Variants in SCGB2B2 observed in about 807,000 individuals in gnomAD.
SCGB2B2 encodes secretoglobin-like protein.
A neutral mutation model predicts 7.6 loss-of-function variants in SCGB2B2; 11 were observed. That is an observed-to-expected ratio of 1.45 (90% CI 0.91 to 2.40). SCGB2B2 has a LOEUF of 2.40. SCGB2B2 is among the 30% of genes most tolerant of loss of function. The pLI, the probability that SCGB2B2 is intolerant of heterozygous loss-of-function variation, is 0.00. For missense variants in SCGB2B2, 104 were observed against 115.4 expected (o/e 0.90, Z 0.45); for synonymous variants, 50 against 48.6 (o/e 1.03, Z -0.12).
chr19:34,633,612 C>G lies in SCGB2B2; in HGVS notation c.-2031-37018G>C, dbSNP rs1323086210. The stretch of plus-strand genomic sequence containing the variant: ...AATCAATGTTTGTGGCAATGGGGTG[C>G]CAGGGAGGGAGGGAAAGAGGGATTT... On this transcript the variant is annotated intron_variant, in intron 1 of 3. Transcript: ENST00000601241. Among the ~76,000 whole-genome samples, 4 of 151,924 alleles carry G rather than the reference C, an allele frequency of 2.6e-5. No individual in the cohort carries two copies. The East Asian group carries it at 5.8e-4, about 22-fold the overall frequency.
rs1007246065 is a variant in SCGB2B2 at position 34,592,014 on chromosome 19, C to T, written c.*1541G>A. On this transcript the variant is annotated 3_prime_UTR_variant, in exon 4 of 4. Transcript: ENST00000601241. ...AGGGCCTGATGTGTGGCAGGGGACA[C>T]TTCTTCCCTGGCTGAGTGGATGGGT... Among the ~76,000 whole-genome samples, 1 of 152,140 alleles carries T rather than the reference C, an allele frequency of 6.6e-6. No homozygotes were observed. Among genetic ancestry groups the T allele is most frequent in the African/African-American group, 2.4e-5 (1 of 41,416 alleles).
chr19:34,627,783 T>C (rs1221247138), intron 1 of SCGB2B2, among the ~76,000 whole-genome samples: 1 of 152,210 alleles, frequency 6.6e-6, no homozygotes, highest in Non-Finnish European at 1.5e-5. Flanking sequence ...AATAGACATC[T>C]ACAGAACTCT....
intron 1 of SCGB2B2, among the ~76,000 whole-genome samples, chr19:34,629,531 A>G (rs546635056): frequency 6.6e-6 from 1 of 151,928 alleles, no homozygotes; most frequent in Non-Finnish European, 1.5e-5. Context: ...GCTTCAAAGA[A>G]AATAAAATAC....
At chr19:34,653,862 A>G (rs1308232323) in intron 1 of SCGB2B2, among the ~76,000 whole-genome samples, 1 of 151,150 alleles carries the variant, frequency 6.6e-6, no homozygotes, top group Admixed American at 6.6e-5. Flanking sequence ...CTAACATCAT[A>G]ATCAATAAAG....
Position 34,593,254 on chromosome 19 carries a change from A to G in SCGB2B2, c.*301T>C. On this transcript the variant is annotated 3_prime_UTR_variant, in exon 4 of 4. Transcript: ENST00000601241. ...AGAATCGCTTGAACCCAGAAGGTGG[A>G]GGCTGCAGTGAGCCAAGATCGCGCC... 3.2e-6 allele frequency: 1 copy of G among 310,396 alleles called. No individual in the cohort carries two copies. Among genetic ancestry groups the G allele is most frequent in the Non-Finnish European group, 6.0e-6 (1 of 166,966 alleles). 19.2% of individuals were successfully genotyped at this position (310,396 alleles called of 1,614,324 possible).
At chr19:34,650,349 G>A (rs1488204007) in intron 1 of SCGB2B2, among the ~76,000 whole-genome samples, 4 of 151,314 alleles carry the variant, frequency 2.6e-5, no homozygotes, top group Non-Finnish European at 2.9e-5. Flanking sequence ...TCACCTGGCT[G>A]AGCCTGACTC....
chr19:34,664,377 A>C (rs2067552106), intron 1 of SCGB2B2, among the ~76,000 whole-genome samples: 1 of 152,186 alleles, frequency 6.6e-6, no homozygotes. Context: ...TCAAGTTCCC[A>C]AAACTGGGGG....
At chr19:34,639,724 C>CAG (rs2066788805) in intron 1 of SCGB2B2, among the ~76,000 whole-genome samples, 1 of 152,174 alleles carries the variant, frequency 6.6e-6, no homozygotes, top group South Asian at 2.1e-4. Flanking sequence ...CTTGGGTCCG[C>CAG]AGAGAATTTG....
At chr19:34,588,388 C>T (rs989422909), downstream of SCGB2B2, among the ~76,000 whole-genome samples, 1 of 152,172 alleles carries the variant, frequency 6.6e-6, no homozygotes, top group African/African-American at 2.4e-5. Context: ...CCACTTCCTT[C>T]CTCAGTGATG....
At position 34,612,018 on chromosome 19, in the gene SCGB2B2, A is replaced by ATTTTTTTTTTTT. The variant is rs1568431496; in HGVS notation, c.-2031-15425_-2031-15424insAAAAAAAAAAAA. Among the ~76,000 whole-genome samples, 3 of 78,676 alleles carry ATTTTTTTTTTTT rather than the reference A, an allele frequency of 3.8e-5. No homozygotes were observed. The East Asian group carries it at 1.0e-3, about 27-fold the overall frequency. The allele number at this position is 78,676 out of a possible 152,430, so 51.6% of individuals were successfully genotyped here. A position where few individuals can be genotyped will look rare whatever the true frequency, so the allele number is the denominator to read the frequency against. ...ATTTTCATATATTTGTGTTTTAGAAAATTCTTTTTTTTTTTTTTTTTTTTT... is the reference window on the plus strand; with the variant it reads ...ATTTTCATATATTTGTGTTTTAGAAATTTTTTTTTTTTATTCTTTTTTTTTTTTTTTTTTTTT... On this transcript the variant is annotated intron_variant, in intron 1 of 3. Transcript: ENST00000601241.
At position 34,619,978 on chromosome 19, in the gene SCGB2B2, G is replaced by A. The variant is rs561323387; in HGVS notation, c.-2031-23384C>T. ...AGTGCACAACTGGAATTAACTTTTA[G>A]ATAACTTTTGAATTAGATAAAATTA... On this transcript the variant is annotated intron_variant, in intron 1 of 3. Coordinates refer to ENST00000601241, the MANE Select transcript of SCGB2B2 (RefSeq NM_001025591.4). Among the ~76,000 whole-genome samples, 4 of 152,084 alleles carry A rather than the reference G, an allele frequency of 2.6e-5. No homozygotes were observed. The East Asian group carries it at 7.7e-4, about 29-fold the overall frequency.
At chr19:34,605,869 C>T (rs2065761962) in intron 1 of SCGB2B2, among the ~76,000 whole-genome samples, 1 of 152,180 alleles carries the variant, frequency 6.6e-6, no homozygotes, top group South Asian at 2.1e-4. Flanking sequence ...GCTGGGATTA[C>T]AGGCGTGAGC....
At chr19:34,610,682 A>T (rs8106564) in intron 1 of SCGB2B2, among the ~76,000 whole-genome samples, 47,884 of 151,678 alleles carry the variant, frequency 0.32, 8,393 homozygotes, top group Middle Eastern at 0.47. Context: ...ATGGTGAATT[A>T]GCATTTTGCT....
intron 1 of SCGB2B2, among the ~76,000 whole-genome samples, chr19:34,640,166 A>C (rs966295383): frequency 9.9e-5 from 15 of 152,228 alleles, no homozygotes; most frequent in African/African-American, 3.6e-4. Flanking sequence ...GTGGGAATAC[A>C]GTGGGGCTCA....
intron 1 of SCGB2B2, among the ~76,000 whole-genome samples, chr19:34,606,047 AT>A (rs747523207): frequency 6.1e-4 from 92 of 150,154 alleles, no homozygotes; most frequent in Middle Eastern, 3.5e-3. Context: ...AGTTACTAAA[AT>A]TTTTTTTTTA....
At chr19:34,618,692 C>T (rs551915761) in intron 1 of SCGB2B2, among the ~76,000 whole-genome samples, 1 of 152,310 alleles carries the variant, frequency 6.6e-6, no homozygotes, top group South Asian at 2.1e-4. Context: ...CTTTACCTTC[C>T]TTACACACCC....
intron 1 of SCGB2B2, among the ~76,000 whole-genome samples, chr19:34,607,641 T>C (rs1332308445): frequency 2.0e-5 from 3 of 152,244 alleles, no homozygotes; most frequent in African/African-American, 4.8e-5. Flanking sequence ...ATAGAAACCA[T>C]GCTAATGTGT....
intron 1 of SCGB2B2, among the ~76,000 whole-genome samples, chr19:34,625,716 C>A (rs969773537): frequency 1.3e-4 from 20 of 152,212 alleles, no homozygotes; most frequent in African/African-American, 4.8e-4. Flanking sequence ...AAACAAAAGG[C>A]AGCAGAAACC....
chr19:34,633,194 A>G (rs890593649), intron 1 of SCGB2B2, among the ~76,000 whole-genome samples: 17 of 152,154 alleles, frequency 1.1e-4, no homozygotes, highest in Admixed American at 4.6e-4. Flanking sequence ...TGAATGGTGA[A>G]TTATTTCAAT....
Sources: gnomAD v4.1 joint callset for allele counts (sites outside exome capture counted in the v4.1 genomes callset) on GRCh38, gnomAD v4.1.1 for gene constraint, MANE v1.5 for transcripts, NCBI Gene and HGNC (gene_info 2026-07-23, HGNC 2026-07-21) for gene names.